Variants in LBH observed in about 807,000 individuals in gnomAD.
LBH encodes the protein LBH regulator of Wnt signaling pathway, also known as protein LBH.
LBH carries 7 observed loss-of-function variants against 12.5 expected under a neutral mutation model. That is an observed-to-expected ratio of 0.56 (90% CI 0.32 to 1.05). LBH has a LOEUF of 1.05. Among genes scored for constraint, LBH ranks in the 50% least tolerant of loss-of-function variants. The pLI is 0.04. For missense variants in LBH, 119 were observed against 138.9 expected (o/e 0.86, Z 0.72); for synonymous variants, 51 against 50.1 (o/e 1.02, Z -0.08).
intron 2 of LBH, among the ~76,000 whole-genome samples, chr2:30,254,951 T>C (rs1678054343): frequency 6.6e-6 from 1 of 152,260 alleles, no homozygotes. Context: ...TTACTCTCCC[T>C]CCCTGCTCAG....
chr2:30,234,397 C>G lies in LBH; in HGVS notation c.27-8C>G. 1 of 1,612,952 alleles carries G rather than the reference C, an allele frequency of 6.2e-7. No homozygotes were observed. Among genetic ancestry groups the G allele is most frequent in the Non-Finnish European group, 8.5e-7 (1 of 1,178,924 alleles). On this transcript the variant is annotated splice_polypyrimidine_tract_variant and splice_region_variant and intron_variant, in intron 1 of 2. Coordinates refer to ENST00000395323, the MANE Select transcript of LBH (RefSeq NM_030915.4). ...GTTTGTTGACTTTTGGTCTGGGTTT[C>G]TTGGCAGCCCCGACTATCTGAGATC...
chr2:30,238,978 T>A (rs1677738100), intron 2 of LBH, among the ~76,000 whole-genome samples: 1 of 146,330 alleles, frequency 6.8e-6, no homozygotes, highest in Non-Finnish European at 1.5e-5. Flanking sequence ...CAACCTCCAC[T>A]TCCCGGGTTC....
At chr2:30,250,660 T>C (rs1677963100) in intron 2 of LBH, among the ~76,000 whole-genome samples, 1 of 151,988 alleles carries the variant, frequency 6.6e-6, no homozygotes, top group South Asian at 2.1e-4. Flanking sequence ...GGTCCCTAAA[T>C]TTGGGGCCTT....
intron 1 of LBH, chr2:30,232,142 CCT>C: frequency 6.5e-7 from 1 of 1,546,528 alleles, no homozygotes; most frequent in Non-Finnish European, 8.7e-7. Flanking sequence ...CCGGGCCCCT[CCT>C]CTTTTTCTTT....
At chr2:30,231,871 C>A in intron 1 of LBH, 107 bp downstream of exon 1, 1 of 1,022,158 alleles carries the variant, frequency 9.8e-7, no homozygotes, top group Non-Finnish European at 1.3e-6. Flanking sequence ...GCGGCGCGGG[C>A]GCTCAGCGCT....
intron 2 of LBH, among the ~76,000 whole-genome samples, chr2:30,248,299 C>T (rs1353979216): frequency 1.3e-5 from 2 of 152,068 alleles, no homozygotes; most frequent in African/African-American, 4.8e-5. Flanking sequence ...CCTGGTAGTG[C>T]ACTGTAGAAT....
intron 2 of LBH, among the ~76,000 whole-genome samples, chr2:30,244,820 C>G (rs549463715): frequency 2.6e-5 from 4 of 152,190 alleles, no homozygotes; most frequent in Non-Finnish European, 5.9e-5. Flanking sequence ...GTGGGAGGAT[C>G]GCTTGAGCCC....
At chr2:30,257,288 A>T in intron 2 of LBH, 145 bp from the exon 3 acceptor site, 1 of 799,036 alleles carries the variant, frequency 1.3e-6, no homozygotes, top group Non-Finnish European at 2.0e-6. Context: ...CTCCCACCTT[A>T]TATACTCCAC....
At position 30,234,458 on chromosome 2, in the gene LBH, C is replaced by G; in HGVS notation, c.80C>G (p.Pro27Arg). The G allele has an allele frequency of 6.2e-7, 1 of 1,614,116 alleles. No individual in the cohort carries two copies. Among genetic ancestry groups the G allele is most frequent in the Non-Finnish European group, 8.5e-7 (1 of 1,179,980 alleles). ...KMTEVMMNTQ[P>R]MEEIGLSPRK... ...ACTGAGGTGATGATGAACACCCAGC[C>G]CATGGAGGAGATCGGCCTCAGCCCC... The change falls in exon 2 of 3, where the codon CCC becomes CGC. Residue 27 changes from proline to arginine, a missense_variant. Transcript: ENST00000395323.
Position 30,248,140 on chromosome 2 carries a change from G to A in LBH, c.130-9293G>A, listed in dbSNP as rs549939528. ...TTTCATTGAAAGGCATATACCTCTA[G>A]GAATATAGCCCTATTTGCTTCAGTT... On this transcript the variant is annotated intron_variant, in intron 2 of 2. Transcript: ENST00000395323. Among the ~76,000 whole-genome samples, 6 of 152,154 alleles carry A rather than the reference G, an allele frequency of 3.9e-5. No homozygotes were observed. The South Asian group carries it at 1.2e-3, about 31-fold the overall frequency.
chr2:30,250,553 C>T (rs1442538193), intron 2 of LBH, among the ~76,000 whole-genome samples: 1 of 151,312 alleles, frequency 6.6e-6, no homozygotes, highest in Non-Finnish European at 1.5e-5. Context: ...GGAGCGCTCA[C>T]ATTTTCCATG....
chr2:30,236,507 T>C (rs1677691417), intron 2 of LBH, among the ~76,000 whole-genome samples: 1 of 152,216 alleles, frequency 6.6e-6, no homozygotes, highest in South Asian at 2.1e-4. Flanking sequence ...TTCCAAAATA[T>C]CTTACTTGGA....
At position 30,232,494 on chromosome 2, in the gene LBH, G is replaced by C. The variant is rs1677609676; in HGVS notation, c.26+730G>C. 5 of 357,552 alleles carry C rather than the reference G, an allele frequency of 1.4e-5. No individual in the cohort carries two copies. The South Asian group carries it at 3.6e-4, about 25-fold the overall frequency. The allele number at this position is 357,552 out of a possible 1,614,324, so 22.1% of individuals were successfully genotyped here. A position where few individuals can be genotyped will look rare whatever the true frequency, so the allele number is the denominator to read the frequency against. ...GGGATGCAGAGAGAGGCAGGCCCCT[G>C]ACTGCTGGGACTTCCTTGCTGGCAG... On this transcript the variant is annotated intron_variant, in intron 1 of 2. Coordinates refer to ENST00000395323, the MANE Select transcript of LBH (RefSeq NM_030915.4).
At chr2:30,250,589 TC>T (rs2103561864) in intron 2 of LBH, among the ~76,000 whole-genome samples, 1 of 151,294 alleles carries the variant, frequency 6.6e-6, no homozygotes, top group Admixed American at 6.6e-5. Context: ...CTCTCTCCTC[TC>T]CCACCCCAGG....
At chr2:30,245,093 T>G (rs946611126) in intron 2 of LBH, among the ~76,000 whole-genome samples, 18 of 152,200 alleles carry the variant, frequency 1.2e-4, no homozygotes, top group Non-Finnish European at 1.5e-5. Context: ...CATCTTTTTA[T>G]TGTAGAGAAT....
intron 2 of LBH, among the ~76,000 whole-genome samples, chr2:30,255,873 A>T (rs1678075580): frequency 6.6e-6 from 1 of 152,158 alleles, no homozygotes; most frequent in Non-Finnish European, 1.5e-5. Context: ...ATGTGTCTCC[A>T]CCCACTCAAA....
intron 1 of LBH, 183 bp from the exon 2 acceptor site, chr2:30,234,222 C>T: frequency 1.7e-6 from 1 of 589,914 alleles, no homozygotes; most frequent in Non-Finnish European, 3.1e-6. Flanking sequence ...CGGCTGAGCC[C>T]TGGGGCTGTG....
chr2:30,234,257 T>G (rs1572375361), intron 1 of LBH, 148 bp from the exon 2 acceptor site: 1 of 647,104 alleles, frequency 1.5e-6, no homozygotes, highest in Non-Finnish European at 2.8e-6. Flanking sequence ...TTCCTCAGGG[T>G]GTGAGCTTGT....
In LBH at chr2:30,257,787, TGCC is replaced by T. The variant is rs1678112667; in HGVS notation, c.*167_*169del. On this transcript the variant is annotated 3_prime_UTR_variant, in exon 3 of 3. Transcript: ENST00000395323. ...CCGAGTTGGTTTTCTTTTCTTTTCT[TGCC>T]TTTTTTTTTTTTTGAAATTTGCCGA... 5.5e-6 allele frequency: 3 copies of T among 541,696 alleles called. No homozygotes were observed. The highest frequency in any genetic ancestry group is 4.2e-5 in the African/African-American group (2 of 47,152). 33.6% of individuals were successfully genotyped at this position (541,696 alleles called of 1,614,324 possible). A position where few individuals can be genotyped will look rare whatever the true frequency, so the allele number is the denominator to read the frequency against.
Sources: gnomAD v4.1 joint callset for allele counts (sites outside exome capture counted in the v4.1 genomes callset) on GRCh38, gnomAD v4.1.1 for gene constraint, MANE v1.5 for transcripts, NCBI Gene and HGNC (gene_info 2026-07-23, HGNC 2026-07-21) for gene names.